Variants in FAM107B observed in about 807,000 individuals in gnomAD.
FAM107B encodes the protein family with sequence similarity 107 member B.
A neutral mutation model predicts 31.5 loss-of-function variants in FAM107B; 21 were observed. That is an observed-to-expected ratio of 0.67 (90% confidence interval 0.47 to 0.96). FAM107B has a LOEUF of 0.96. FAM107B is among the 40% of genes least tolerant of loss of function. The pLI, the probability that FAM107B is intolerant of heterozygous loss-of-function variation, is 0.00. For missense variants in FAM107B, 452 were observed against 377.1 expected, an observed-to-expected ratio of 1.20 and a Z score of -1.64; for synonymous variants, 157 against 141.5, an observed-to-expected ratio of 1.11 and a Z score of -0.78.
At chr10:14,676,072 C>G (rs1854675743) in intron 1 of FAM107B, among the ~76,000 whole-genome samples, 1 of 152,142 alleles carries the variant, frequency 6.6e-6, no homozygotes, top group African/African-American at 2.4e-5. Flanking sequence ...GTGGGAGGAT[C>G]ACTTGAGCCT....
rs372397383 is a variant in FAM107B at position 14,764,676 on chromosome 10, T to C, written c.411+9577A>G. ...GTTCAGATCAGGTTAACCATGTCTGTGGCTGGAAAAAGAAATCTCTAATTT... is the reference window on the plus strand; with the variant it reads ...GTTCAGATCAGGTTAACCATGTCTGCGGCTGGAAAAAGAAATCTCTAATTT... On this transcript the variant is annotated intron_variant, in intron 1 of 4. Transcript: ENST00000181796. Among the ~76,000 whole-genome samples, 21 of 152,348 alleles carry C rather than the reference T, an allele frequency of 1.4e-4. No individual in the cohort carries two copies. The East Asian group carries it at 2.3e-3, about 17-fold the overall frequency.
At chr10:14,683,454 A>T (rs544522056) in intron 1 of FAM107B, among the ~76,000 whole-genome samples, 1 of 152,358 alleles carries the variant, frequency 6.6e-6, no homozygotes, top group African/African-American at 2.4e-5. Context: ...CATTCGTTGC[A>T]CGGTGGAAAT....
In FAM107B at chr10:14,721,579, C is replaced by G. The variant is rs369697882; in HGVS notation, c.411+52674G>C. Reference sequence around the variant, plus strand: ...GGTATCTCATTGTGGTTTTGATTTGCATTTCTCTGATGGCCAGTGATGATG... The same window carrying G: ...GGTATCTCATTGTGGTTTTGATTTGGATTTCTCTGATGGCCAGTGATGATG... On this transcript the variant is annotated intron_variant, in intron 1 of 4. Coordinates refer to ENST00000181796, the MANE Select transcript of FAM107B (RefSeq NM_031453.4). 3.4e-3 allele frequency among the ~76,000 whole-genome samples: 525 copies of G among 152,318 alleles called. 12 individuals carry two copies. The East Asian group carries it at 0.046, about 13-fold the overall frequency.
intron 1 of FAM107B, among the ~76,000 whole-genome samples, chr10:14,679,232 C>T (rs932138118): frequency 1.3e-5 from 2 of 152,048 alleles, no homozygotes; most frequent in East Asian, 1.9e-4. Flanking sequence ...TGGGCTCAAG[C>T]GATCCTCCTA....
At chr10:14,742,513 T>C (rs1832637544) in intron 1 of FAM107B, among the ~76,000 whole-genome samples, 2 of 152,224 alleles carry the variant, frequency 1.3e-5, no homozygotes, top group Non-Finnish European at 2.9e-5. Context: ...GTCTGTTTGT[T>C]CACTGATGAA....
chr10:14,750,182 T>C (rs1832799798), intron 1 of FAM107B, among the ~76,000 whole-genome samples: 1 of 152,200 alleles, frequency 6.6e-6, no homozygotes, highest in African/African-American at 2.4e-5. Context: ...CCCACAAGCG[T>C]CTTCTAAAGG....
intron 2 of FAM107B, among the ~76,000 whole-genome samples, chr10:14,643,709 T>C (rs1013711146): frequency 6.6e-6 from 1 of 152,104 alleles, no homozygotes; most frequent in Non-Finnish European, 1.5e-5. Context: ...TGCACCCGGC[T>C]GTCAGTCTGT....
chr10:14,629,723 C>T (rs1853303670), intron 2 of FAM107B, among the ~76,000 whole-genome samples: 1 of 150,166 alleles, frequency 6.7e-6, no homozygotes, highest in South Asian at 2.1e-4. Context: ...CCATGTTAGC[C>T]AGGATGGTCT....
intron 1 of FAM107B, among the ~76,000 whole-genome samples, chr10:14,673,098 G>A (rs956755873): frequency 1.3e-5 from 2 of 152,174 alleles, no homozygotes; most frequent in African/African-American, 4.8e-5. Context: ...TAATTAGCCT[G>A]TCCGTCACCT....
intron 1 of FAM107B, among the ~76,000 whole-genome samples, chr10:14,713,771 A>T (rs1855716533): frequency 6.6e-6 from 1 of 152,248 alleles, no homozygotes; most frequent in South Asian, 2.1e-4. Context: ...AAAGACATGA[A>T]ATAAGCCTAA....
intron 2 of FAM107B, chr10:14,571,613 T>C: frequency 4.0e-6 from 1 of 250,050 alleles, no homozygotes; most frequent in Non-Finnish European, 6.3e-6. Flanking sequence ...AGACACACTA[T>C]TCAATACCAC....
At chr10:14,756,089 G>A (rs1182803868) in intron 1 of FAM107B, among the ~76,000 whole-genome samples, 1 of 152,134 alleles carries the variant, frequency 6.6e-6, no homozygotes, top group African/African-American at 2.4e-5. Flanking sequence ...TGGCACATAG[G>A]AAGAGCTTAA....
chr10:14,586,315 G>A lies in FAM107B; in HGVS notation c.470-55800C>T, dbSNP rs185720488. 4.6e-5 allele frequency among the ~76,000 whole-genome samples: 7 copies of A among 152,224 alleles called. No homozygotes were observed. The East Asian group carries it at 1.2e-3, about 25-fold the overall frequency. Reference sequence around the variant, plus strand: ...TGTAGCAAAGAACGTCTCTGTGGTAGATTTAAAAATAAAAGAAAAAAATAT... The same window carrying A: ...TGTAGCAAAGAACGTCTCTGTGGTAAATTTAAAAATAAAAGAAAAAAATAT... On this transcript the variant is annotated intron_variant, in intron 2 of 4. Coordinates refer to ENST00000181796, the MANE Select transcript of FAM107B (RefSeq NM_031453.4).
intron 1 of FAM107B, among the ~76,000 whole-genome samples, chr10:14,671,318 T>A (rs935859229): frequency 1.3e-5 from 2 of 152,148 alleles, no homozygotes; most frequent in African/African-American, 4.8e-5. Flanking sequence ...TTGAAAAGGC[T>A]CGCCAACAAT....
At chr10:14,594,501 C>CAAAAAAAAAAA (rs371126997) in intron 2 of FAM107B, among the ~76,000 whole-genome samples, 2 of 80,150 alleles carry the variant, frequency 2.5e-5, no homozygotes, top group Non-Finnish European at 2.3e-5. Context: ...AAGACCCTGC[C>CAAAAAAAAAAA]AAAAAAAAAA....
chr10:14,553,465 C>G, intron 2 of FAM107B: 1 of 827,022 alleles, frequency 1.2e-6, no homozygotes, highest in Non-Finnish European at 1.7e-6. Context: ...GCATAATTTT[C>G]TAAGAAGCTG....
chr10:14,772,585 T>C (rs1398024589), intron 1 of FAM107B, among the ~76,000 whole-genome samples: 1 of 152,100 alleles, frequency 6.6e-6, no homozygotes, highest in East Asian at 1.9e-4. Flanking sequence ...CCTCCCTGCC[T>C]GGTTTGGACC....
At chr10:14,730,165 C>A (rs572552344) in intron 1 of FAM107B, among the ~76,000 whole-genome samples, 1 of 152,238 alleles carries the variant, frequency 6.6e-6, no homozygotes, top group Non-Finnish European at 1.5e-5. Flanking sequence ...TGAAACAAAC[C>A]TGCATGTTCT....
chr10:14,615,837 T>C (rs796789840), intron 2 of FAM107B, among the ~76,000 whole-genome samples: 42 of 152,358 alleles, frequency 2.8e-4, no homozygotes, highest in African/African-American at 9.9e-4. Context: ...TGTTCCCTAA[T>C]TACCTTGTCA....
Sources: allele counts gnomAD v4.1 joint callset (sites outside exome capture counted in the v4.1 genomes callset), GRCh38; gene constraint gnomAD v4.1.1; transcripts MANE v1.5; gene names NCBI Gene and HGNC (gene_info 2026-07-23, HGNC 2026-07-21).